The following ROS1 variants were observed in gnomAD, a reference collection of about 807,000 sequenced individuals.
ROS1 encodes the protein proto-oncogene tyrosine-protein kinase ROS.
In ROS1, 263 loss-of-function variants were observed where a neutral mutation model predicts 273.5. The observed-to-expected ratio is 0.96, with a 90% CI of 0.87 to 1.06. The LOEUF is 1.06. Among genes scored for constraint, ROS1 ranks in the 50% least tolerant of loss-of-function variants. The pLI is 0.00. For synonymous variants in ROS1, 1,008 were observed against 954.1 expected (o/e 1.06, Z -1.04); for missense variants, 2,833 against 2,751.1 (o/e 1.03, Z -0.67).
Position 117,344,981 on chromosome 6 carries a change from C to G in ROS1, c.4304-719G>C, listed in dbSNP as rs76170239. Among the ~76,000 whole-genome samples the G allele has an allele frequency of 2.5e-3, 386 of 152,322 alleles. 2 individuals carry two copies. The highest frequency in any genetic ancestry group is 8.4e-3 in the African/African-American group (350 of 41,566). On this transcript the variant is annotated intron_variant, in intron 27 of 43. Transcript: ENST00000368507. ...AACACAACTTCTTGACCTATTCACT[C>G]TCAGTCTTTATGTAAAACATCACCT... is the stretch of plus-strand genomic sequence containing the variant.
intron 5 of ROS1, among the ~76,000 whole-genome samples, chr6:117,406,327 C>T (rs190241609): frequency 2.1e-3 from 322 of 152,086 alleles, no homozygotes; most frequent in African/African-American, 7.4e-3. Flanking sequence ...CTAAAGTGAA[C>T]ATAGCATACT....
chr6:117,419,152 C>T (rs1775562973), intron 1 of ROS1, among the ~76,000 whole-genome samples: 1 of 152,160 alleles, frequency 6.6e-6, no homozygotes, highest in African/African-American at 2.4e-5. Flanking sequence ...AAGAGAGCAG[C>T]ATTCTATCAC....
intron 43 of ROS1, among the ~76,000 whole-genome samples, chr6:117,291,260 T>C (rs974605823): frequency 2.6e-5 from 4 of 152,204 alleles, no homozygotes; most frequent in African/African-American, 9.7e-5. Flanking sequence ...TAAATTGTTA[T>C]AGTTTGATGA....
At chr6:117,409,447 C>A (rs1475011306) in intron 5 of ROS1, 135 bp downstream of exon 5, 21 of 690,892 alleles carry the variant, frequency 3.0e-5, no homozygotes, top group Non-Finnish European at 4.9e-5. Context: ...TTATTGAATT[C>A]TCTAAATAGA....
chr6:117,416,153 G>GC, intron 3 of ROS1, 105 bp downstream of exon 3: 1 of 729,660 alleles, frequency 1.4e-6, no homozygotes, highest in Non-Finnish European at 2.5e-6. Context: ...TTAGGGTCAA[G>GC]CAAACTAGTT....
At chr6:117,318,672 C>T (rs1161547056) in intron 37 of ROS1, among the ~76,000 whole-genome samples, 1 of 152,108 alleles carries the variant, frequency 6.6e-6, no homozygotes, top group Non-Finnish European at 1.5e-5. Context: ...TCTCCAGCCT[C>T]CCTTGGAAAT....
At chr6:117,395,608 A>G (rs1441972482) in intron 9 of ROS1, among the ~76,000 whole-genome samples, 1 of 152,152 alleles carries the variant, frequency 6.6e-6, no homozygotes, top group African/African-American at 2.4e-5. Context: ...AAGCATTTTC[A>G]TTTGTTATTT....
At chr6:117,300,456 C>T (rs1055098017) in intron 43 of ROS1, among the ~76,000 whole-genome samples, 1 of 151,840 alleles carries the variant, frequency 6.6e-6, no homozygotes, top group Non-Finnish European at 1.5e-5. Context: ...TAAAAAAATA[C>T]ACATTTTGCA....
chr6:117,390,202 C>T (rs1013289007), intron 12 of ROS1, among the ~76,000 whole-genome samples: 3 of 152,058 alleles, frequency 2.0e-5, no homozygotes, highest in African/African-American at 7.2e-5. Context: ...TCACAGCTCA[C>T]TGCAGCCTCA....
chr6:117,389,426 C>A lies in ROS1; in HGVS notation c.1710G>T (p.Pro570=), dbSNP rs555947222. Residue 570 remains proline (P), a synonymous_variant, in exon 13 of 44, where the codon CCG becomes CCT. Transcript: ENST00000368507. ...SSQLHPLPGR[P]QELSVLFGSH... ...AGCCAAACAGCACCGAAAGCTCCTG[C>A]GGGCGGCCTGGCAGAGGGTGCAGCT... 1 of 1,614,154 alleles carries A rather than the reference C, an allele frequency of 6.2e-7. No homozygotes were observed. Among genetic ancestry groups the A allele is most frequent in the South Asian group, 1.1e-5 (1 of 91,074 alleles).
intron 35 of ROS1, among the ~76,000 whole-genome samples, chr6:117,321,677 A>C (rs978626109): frequency 1.3e-5 from 2 of 152,072 alleles, no homozygotes; most frequent in Non-Finnish European, 2.9e-5. Context: ...AAAGTATCTT[A>C]ATATTAAAAC....
intron 18 of ROS1, among the ~76,000 whole-genome samples, chr6:117,366,852 T>C (rs1780291993): frequency 6.6e-6 from 1 of 152,004 alleles, no homozygotes; most frequent in Non-Finnish European, 1.5e-5. Flanking sequence ...ATATCAAGGG[T>C]GTTTAGATAG....
intron 32 of ROS1, among the ~76,000 whole-genome samples, chr6:117,335,206 A>G (rs575411732): frequency 6.6e-6 from 1 of 152,138 alleles, no homozygotes; most frequent in African/African-American, 2.4e-5. Context: ...CTTCTCAAAA[A>G]GGGATTTATG....
At chr6:117,299,994 C>G (rs1774565085) in intron 43 of ROS1, among the ~76,000 whole-genome samples, 2 of 146,822 alleles carry the variant, frequency 1.4e-5, no homozygotes, top group African/African-American at 5.0e-5. Flanking sequence ...ACGATCTCGG[C>G]TCACTGCAAG....
At chr6:117,339,354 C>T (rs1317313472) in intron 31 of ROS1, among the ~76,000 whole-genome samples, 1 of 152,106 alleles carries the variant, frequency 6.6e-6, no homozygotes, top group African/African-American at 2.4e-5. Flanking sequence ...CTCTAGTTCC[C>T]TCATTTTTCA....
At chr6:117,363,262 G>A (rs897459138) in intron 21 of ROS1, among the ~76,000 whole-genome samples, 3 of 152,170 alleles carry the variant, frequency 2.0e-5, no homozygotes, top group African/African-American at 7.2e-5. Flanking sequence ...ATGGATGGCA[G>A]TAAGTCCCAC....
chr6:117,320,553 C>T (rs184626082), intron 36 of ROS1, among the ~76,000 whole-genome samples: 4 of 152,230 alleles, frequency 2.6e-5, no homozygotes, highest in Non-Finnish European at 2.9e-5. Context: ...GGGGAAAATG[C>T]TGCTATGTTA....
At chr6:117,401,594 A>C (rs1048320987) in intron 7 of ROS1, among the ~76,000 whole-genome samples, 4 of 152,228 alleles carry the variant, frequency 2.6e-5, no homozygotes, top group African/African-American at 4.8e-5. Context: ...CCCATAACCC[A>C]GAAAATACTT....
At chr6:117,376,687 A>G (rs544814677) in intron 18 of ROS1, among the ~76,000 whole-genome samples, 56 of 152,142 alleles carry the variant, frequency 3.7e-4, no homozygotes, top group Non-Finnish European at 6.9e-4. Flanking sequence ...TTAGATACCT[A>G]GGCATTAACC....
Sources: gnomAD v4.1 joint callset for allele counts (sites outside exome capture counted in the v4.1 genomes callset) on GRCh38, gnomAD v4.1.1 for gene constraint, MANE v1.5 for transcripts, NCBI Gene and HGNC (gene_info 2026-07-23, HGNC 2026-07-21) for gene names.